The following PCDHA3 variants were observed in gnomAD, a reference collection of about 807,000 sequenced individuals.
PCDHA3 encodes protocadherin alpha 3.
A neutral mutation model predicts 62.2 loss-of-function variants in PCDHA3; 41 were observed. The ratio of observed to expected loss-of-function variants is 0.66; its 90% CI spans 0.51 to 0.86. PCDHA3 has a LOEUF of 0.86. PCDHA3 is among the 40% of genes least tolerant of loss of function. PCDHA3 has a pLI of 0.00. For missense variants in PCDHA3, 1,304 were observed against 1,241.2 expected (o/e 1.05, Z -0.76); for synonymous variants, 640 against 555.4 (o/e 1.15, Z -2.14).
rs2098413689 is a variant in PCDHA3, at chr5:141,009,672, A to G, written c.2588A>G (p.Asn863Ser). Residue 863 changes from asparagine to serine, a missense_variant, in exon 4 of 4, where the codon AAC becomes AGC. Physicochemically the swap from Asn to Ser is conservative, Grantham distance 46. Transcript: ENST00000522353. The stretch of plus-strand genomic sequence containing the variant: ...TCCCCTCCAGTCGGTGCGGGTGTCA[A>G]CAGCAACAGCTGGACCTTTAAATAC... ...EVSPPVGAGV[N>S]SNSWTFKYGP... is the part of the protein sequence containing the mutation. 6.2e-7 allele frequency: 1 copy of G among 1,614,102 alleles called. No homozygotes were observed. The highest frequency in any genetic ancestry group is 1.1e-5 in the South Asian group (1 of 91,070).
At chr5:140,961,561 T>C (rs1554225472) in intron 1 of PCDHA3, among the ~76,000 whole-genome samples, 1 of 152,170 alleles carries the variant, frequency 6.6e-6, no homozygotes, top group African/African-American at 2.4e-5. Flanking sequence ...TTTTTTTAAA[T>C]TTTGTTTTGA....
rs1554202548 is a variant in PCDHA3, at chr5:140,925,108, G to GGAA, written c.2395-53840_2395-53839insAAG. 5.0e-3 allele frequency among the ~76,000 whole-genome samples: 619 copies of GGAA among 124,770 alleles called. 3 individuals are homozygous for GGAA. Among genetic ancestry groups the GGAA allele is most frequent in the African/African-American group, 0.02 (595 of 30,200 alleles). The allele number at this position is 124,770 out of a possible 152,430, so 81.9% of individuals were successfully genotyped here. ...AAGGAAGGAAGGAAGGAAGGAAGGA[G>GGAA]GGAAGGAAGGAAGGAAAAAAAATTT... is the stretch of plus-strand genomic sequence containing the variant. On this transcript the variant is annotated intron_variant, in intron 1 of 3. Coordinates refer to ENST00000522353, the MANE Select transcript of PCDHA3 (RefSeq NM_018906.3).
chr5:140,837,979 T>G (rs1775353810), intron 1 of PCDHA3, among the ~76,000 whole-genome samples: 1 of 151,792 alleles, frequency 6.6e-6, no homozygotes, highest in Non-Finnish European at 1.5e-5. Flanking sequence ...ACACCCAGCC[T>G]GCCTTTCATC....
chr5:140,906,382 G>A (rs1384682039), intron 1 of PCDHA3, among the ~76,000 whole-genome samples: 2 of 152,072 alleles, frequency 1.3e-5, no homozygotes, highest in Non-Finnish European at 2.9e-5. Context: ...ATTACATAAA[G>A]TTAACATTTA....
At chr5:140,894,256 A>G (rs1554186008) in intron 1 of PCDHA3, among the ~76,000 whole-genome samples, 1 of 152,010 alleles carries the variant, frequency 6.6e-6, no homozygotes, top group African/African-American at 2.4e-5. Context: ...TTTTCTTTAC[A>G]AGTGGTAGCT....
intron 1 of PCDHA3, chr5:140,883,801 C>G: frequency 3.1e-6 from 5 of 1,612,430 alleles, no homozygotes; most frequent in Non-Finnish European, 4.2e-6. Flanking sequence ...TGTCGGTGCA[C>G]GCGGAGAGCG....
chr5:140,849,773 C>A (rs1554143291), intron 1 of PCDHA3: 12 of 1,598,418 alleles, frequency 7.5e-6, no homozygotes, highest in Non-Finnish European at 1.0e-5. Flanking sequence ...TGGTGGTTAC[C>A]GCGCGGGACG....
chr5:140,880,800 T>A (rs1453041032), intron 1 of PCDHA3, among the ~76,000 whole-genome samples: 1 of 152,130 alleles, frequency 6.6e-6, no homozygotes, highest in Admixed American at 6.6e-5. Context: ...TATAAATAGG[T>A]GAATGACTCT....
intron 1 of PCDHA3, among the ~76,000 whole-genome samples, chr5:140,932,418 ATTG>A (rs1457931424): frequency 1.3e-5 from 2 of 151,928 alleles, no homozygotes; most frequent in African/African-American, 4.8e-5. Context: ...ATATTAGTGT[ATTG>A]TTCACCTGGA....
At chr5:140,902,102 G>A (rs1407664200) in intron 1 of PCDHA3, among the ~76,000 whole-genome samples, 1 of 151,098 alleles carries the variant, frequency 6.6e-6, no homozygotes, top group African/African-American at 2.4e-5. Context: ...GGAGTCTTTA[G>A]ATTTTTTTAA....
chr5:140,823,969 A>C (rs1767949637), intron 1 of PCDHA3: 1 of 1,613,902 alleles, frequency 6.2e-7, no homozygotes, highest in Non-Finnish European at 8.5e-7. Flanking sequence ...GGCCGTGTGC[A>C]CACGGGGCAA....
At chr5:140,843,522 CG>C (rs1554140172) in intron 1 of PCDHA3, 1 of 1,595,680 alleles carries the variant, frequency 6.3e-7, no homozygotes, top group Non-Finnish European at 8.6e-7. Flanking sequence ...GGGTGCCGGG[CG>C]GGCAAGCCCA....
At chr5:140,890,629 A>G (rs6883083) in intron 1 of PCDHA3, among the ~76,000 whole-genome samples, 2 of 152,158 alleles carry the variant, frequency 1.3e-5, no homozygotes, top group Admixed American at 1.3e-4. Context: ...AAAATTAAGC[A>G]TGTATCCTTG....
chr5:140,818,742 G>T (rs2150102273), intron 1 of PCDHA3, among the ~76,000 whole-genome samples: 1 of 152,326 alleles, frequency 6.6e-6, no homozygotes, highest in South Asian at 2.1e-4. Flanking sequence ...GGAGGCTGAA[G>T]TTGGAGGATG....
intron 1 of PCDHA3, chr5:140,834,368 A>G: frequency 6.4e-7 from 1 of 1,555,360 alleles, no homozygotes; most frequent in Non-Finnish European, 8.7e-7. Context: ...CTAGAAAAAC[A>G]AGCCAATAAT....
At chr5:140,836,150 T>A (rs2150254160) in intron 1 of PCDHA3, 1 of 1,613,680 alleles carries the variant, frequency 6.2e-7, no homozygotes, top group Non-Finnish European at 8.5e-7. Context: ...GCGCGGGCCA[T>A]GTGGTGGCGA....
intron 1 of PCDHA3, among the ~76,000 whole-genome samples, chr5:140,885,719 T>C (rs1304075284): frequency 6.6e-6 from 1 of 152,210 alleles, no homozygotes; most frequent in Non-Finnish European, 1.5e-5. Flanking sequence ...TAATGTGATC[T>C]CTGTGAAATG....
At chr5:140,871,789 AAAT>A (rs2053309848) in intron 1 of PCDHA3, among the ~76,000 whole-genome samples, 1 of 152,254 alleles carries the variant, frequency 6.6e-6, no homozygotes, top group Non-Finnish European at 1.5e-5. Context: ...ACTTGAGTAG[AAAT>A]AATTACTATT....
At chr5:140,830,049 A>G in intron 1 of PCDHA3, 1 of 1,613,626 alleles carries the variant, frequency 6.2e-7, no homozygotes, top group East Asian at 2.2e-5. Flanking sequence ...CTGGTGAAAG[A>G]CCACGGTGAG....
Sources: gnomAD v4.1 joint callset for allele counts (sites outside exome capture counted in the v4.1 genomes callset) on GRCh38, gnomAD v4.1.1 for gene constraint, MANE v1.5 for transcripts, NCBI Gene and HGNC (gene_info 2026-07-23, HGNC 2026-07-21) for gene names.